The following ISYNA1 variants were observed in gnomAD, a reference collection of about 807,000 sequenced individuals.
ISYNA1 encodes MI-1-P synthase.
ISYNA1 carries 34 observed loss-of-function variants against 50.3 expected under a neutral mutation model. That is an observed-to-expected ratio of 0.68 (90% CI 0.51 to 0.90). The LOEUF (loss-of-function observed/expected upper bound fraction) is 0.90. ISYNA1 is among the 40% of genes least tolerant of loss of function. ISYNA1 has a pLI of 0.00. For missense variants in ISYNA1, 718 were observed against 784.8 expected (o/e 0.91, Z 1.02); for synonymous variants, 396 against 349.9 (o/e 1.13, Z -1.47).
At position 18,434,569 on chromosome 19, in the gene ISYNA1, C is replaced by G; in HGVS notation, c.*344G>C. ...CTGGTTTTGGTTTTTGGTAGCTTGT[C>G]TCAGATTCCCTCTTTGGCCTTCTGC... On this transcript the variant is annotated 3_prime_UTR_variant, in exon 11 of 11. Coordinates refer to ENST00000338128, the MANE Select transcript of ISYNA1 (RefSeq NM_016368.5). The G allele has an allele frequency of 3.8e-6, 2 of 520,672 alleles. No homozygotes were observed. Among genetic ancestry groups the G allele is most frequent in the South Asian group, 5.7e-5 (2 of 35,294 alleles). 32.3% of individuals were successfully genotyped at this position (520,672 alleles called of 1,614,324 possible).
In ISYNA1 at chr19:18,435,304, C is replaced by G; in HGVS notation, c.1434G>C (p.Ala478=). ...LVPPGSPVVN[A]LFRQRSCIEN... ...CGATGCAGCTGCGCTGGCGGAAAAGCGCATTGACCACCGGGCTGCCGGGCG... is the reference window on the plus strand; with the variant it reads ...CGATGCAGCTGCGCTGGCGGAAAAGGGCATTGACCACCGGGCTGCCGGGCG... The change falls in exon 10 of 11, where the codon GCG becomes GCC. Residue 478 remains alanine, a synonymous_variant. Coordinates refer to ENST00000338128, the MANE Select transcript of ISYNA1 (RefSeq NM_016368.5). 1 of 1,607,738 alleles carries G rather than the reference C, an allele frequency of 6.2e-7. No individual in the cohort carries two copies. The highest frequency in any genetic ancestry group is 1.1e-5 in the South Asian group (1 of 91,070).
In ISYNA1 at chr19:18,434,943, C is replaced by A. The variant is rs1278672527; in HGVS notation, c.1647G>T (p.Leu549=). ...NGCTGDANGH[L]QEEPPMPTT is the part of the protein sequence containing the mutation. ...TGGTGGGCATTGGGGGCTCCTCTTGCAGATGCCCATTGGCATCACCGGTGC... is the reference window on the plus strand; with the variant it reads ...TGGTGGGCATTGGGGGCTCCTCTTGAAGATGCCCATTGGCATCACCGGTGC... The change falls in exon 11 of 11, where the codon CTG becomes CTT. Residue 549 remains leucine (L), a synonymous_variant. Coordinates refer to ENST00000338128, the MANE Select transcript of ISYNA1 (RefSeq NM_016368.5). The A allele has an allele frequency of 1.9e-6, 3 of 1,613,308 alleles. No individual in the cohort carries two copies. In the South Asian group the frequency reaches 3.3e-5, roughly 18 times the overall value.
In ISYNA1 at chr19:18,435,446, G is replaced by T; in HGVS notation, c.1292C>A (p.Ala431Glu). 2 of 1,609,598 alleles carry T rather than the reference G, an allele frequency of 1.2e-6. No homozygotes were observed. ...LLAAPIMLDL[A>E]LLTELCQRVS... ...GCGCTGGCACAGCTCGGTCAGCAGCGCTAGGTCCAGCATGATGGGTGCGGC... is the reference window on the plus strand; with the variant it reads ...GCGCTGGCACAGCTCGGTCAGCAGCTCTAGGTCCAGCATGATGGGTGCGGC... The change falls in exon 10 of 11, where the codon GCG becomes GAG. Residue 431 changes from alanine (A) to glutamate (E), a missense_variant. Ala to Glu is a moderately radical substitution (Grantham distance 107, BLOSUM62 -1). Around this residue, in one of 3 missense-constraint regions of ISYNA1, gnomAD observed 305 missense variants for 292.6 expected, o/e 1.04. Coordinates refer to ENST00000338128, the MANE Select transcript of ISYNA1 (RefSeq NM_016368.5).
At chr19:18,437,258 G>A (rs1974097115) in intron 3 of ISYNA1, 153 bp from the exon 4 acceptor site, 4 of 1,432,204 alleles carry the variant, frequency 2.8e-6, no homozygotes, top group African/African-American at 2.9e-5. Flanking sequence ...CTGCCCCCAG[G>A]CCCCTCCCCT....
At position 18,434,985 on chromosome 19, in the gene ISYNA1, G is replaced by T; in HGVS notation, c.1605C>A (p.Pro535=). The change falls in exon 11 of 11, where the codon CCC becomes CCA. Residue 535 remains proline (P), a synonymous_variant. Coordinates refer to ENST00000338128, the MANE Select transcript of ISYNA1 (RefSeq NM_016368.5). ...YPMLNKKGPV[P]AATNGCTGDA... Reference sequence around the variant, plus strand: ...CACCGGTGCAGCCATTGGTGGCAGCGGGTACCGGTCCTTTCTTGTTCAACA... The same window carrying T: ...CACCGGTGCAGCCATTGGTGGCAGCTGGTACCGGTCCTTTCTTGTTCAACA... The T allele has an allele frequency of 6.2e-7, 1 of 1,613,492 alleles. No individual in the cohort carries two copies. The highest frequency in any genetic ancestry group is 8.5e-7 in the Non-Finnish European group (1 of 1,180,002).
Position 18,434,673 on chromosome 19 carries a change from AGGCTCCAGGTTCTG to A in ISYNA1, c.*226_*239del, listed in dbSNP as rs1189470359. On this transcript the variant is annotated 3_prime_UTR_variant, in exon 11 of 11. Coordinates refer to ENST00000338128, the MANE Select transcript of ISYNA1 (RefSeq NM_016368.5). Reference sequence around the variant, plus strand: ...ACCTTTGAGAACTGGGGGCAGAGCGAGGCTCCAGGTTCTGGGCTCTCCCTGGGAGTTGGGGTGAT... The same window carrying A: ...ACCTTTGAGAACTGGGGGCAGAGCGAGGCTCTCCCTGGGAGTTGGGGTGAT... 8 of 581,060 alleles carry A rather than the reference AGGCTCCAGGTTCTG, an allele frequency of 1.4e-5. No individual in the cohort carries two copies. Among genetic ancestry groups the A allele is most frequent in the Admixed American group, 3.0e-5 (1 of 32,970 alleles). The allele number at this position is 581,060 out of a possible 1,614,324, so 36.0% of individuals were successfully genotyped here.
In ISYNA1 at chr19:18,437,660, A is replaced by G; in HGVS notation, c.221T>C (p.Leu74Pro). The part of the protein sequence containing the change: ...VGWGGNNGST[L>P]TAAVLANRLR... ...TCGATTGGCCAGCACCGCGGCGGTG[A>G]GTGTGGAGCCGTTGTTCCCGCCCCA... Residue 74 changes from leucine (L) to proline (P), a missense_variant, in exon 3 of 11, where the codon CTC becomes CCC. Leu to Pro is a moderately conservative substitution (Grantham distance 98). Transcript: ENST00000338128. The G allele has an allele frequency of 6.5e-7, 1 of 1,540,712 alleles. No homozygotes were observed. Among genetic ancestry groups the G allele is most frequent in the Non-Finnish European group, 8.7e-7 (1 of 1,147,032 alleles).
Position 18,436,420 on chromosome 19 carries a change from G to C in ISYNA1, c.669C>G (p.Val223=). The C allele has an allele frequency of 6.2e-7, 1 of 1,611,046 alleles. No homozygotes were observed. Among genetic ancestry groups the C allele is most frequent in the Non-Finnish European group, 8.5e-7 (1 of 1,179,860 alleles). ...CCGTGTTCGCCGTCCACAGCACTATGACTTTGTCCAGCCCCGCGCTAGACC... is the reference window on the plus strand; with the variant it reads ...CCGTGTTCGCCGTCCACAGCACTATCACTTTGTCCAGCCCCGCGCTAGACC... ...DFRSSAGLDK[V]IVLWTANTER... Residue 223 remains valine (V), a synonymous_variant, in exon 6 of 11, where the codon GTC becomes GTG. Coordinates refer to ENST00000338128, the MANE Select transcript of ISYNA1 (RefSeq NM_016368.5).
At position 18,434,609 on chromosome 19, in the gene ISYNA1, C is replaced by T. The variant is rs190818353; in HGVS notation, c.*304G>A. The T allele has an allele frequency of 1.3e-5, 7 of 544,464 alleles. No homozygotes were observed. The highest frequency in any genetic ancestry group is 7.6e-5 in the African/African-American group (4 of 52,918). 33.7% of individuals were successfully genotyped at this position (544,464 alleles called of 1,614,324 possible). On this transcript the variant is annotated 3_prime_UTR_variant, in exon 11 of 11. Coordinates refer to ENST00000338128, the MANE Select transcript of ISYNA1 (RefSeq NM_016368.5). ...TGGCCTTCTGCCACCACACTCTCCA[C>T]CCTGTGGTCTTGTTCCGTCCCCGCC... is the stretch of plus-strand genomic sequence containing the variant.
Position 18,434,809 on chromosome 19 carries a change from T to G in ISYNA1, c.*104A>C. 2.1e-6 allele frequency: 2 copies of G among 971,316 alleles called. No individual in the cohort carries two copies. The highest frequency in any genetic ancestry group is 2.4e-5 in the East Asian group (1 of 41,518). 60.2% of individuals were successfully genotyped at this position (971,316 alleles called of 1,614,324 possible). On this transcript the variant is annotated 3_prime_UTR_variant, in exon 11 of 11. Transcript: ENST00000338128. ...GGTCACAGGCCCCAAGAACCCCAGG[T>G]GGAAGGAGGGCTGAGTGGCAGCGCC... is the stretch of plus-strand genomic sequence containing the variant.
Position 18,436,671 on chromosome 19 carries a change from G to T in ISYNA1, c.609+13C>A. The T allele has an allele frequency of 6.3e-7, 1 of 1,578,458 alleles. No individual in the cohort carries two copies. Among genetic ancestry groups the T allele is most frequent in the Non-Finnish European group, 8.6e-7 (1 of 1,163,080 alleles). The stretch of plus-strand genomic sequence containing the variant: ...AGGTGGCAGGAAGCAAGGGATGCGG[G>T]ATGGGACAGCACCTGCTGCGCACGC... On this transcript the variant is annotated intron_variant, in intron 5 of 10. Coordinates refer to ENST00000338128, the MANE Select transcript of ISYNA1 (RefSeq NM_016368.5).
chr19:18,434,896 A>C lies in ISYNA1; in HGVS notation c.*17T>G. ...GGCAGCGGGGAGGAAGAGCCGAGAA[A>C]CTGTGTGACCGGGGCCTCAGGTGGT... On this transcript the variant is annotated 3_prime_UTR_variant, in exon 11 of 11. Coordinates refer to ENST00000338128, the MANE Select transcript of ISYNA1 (RefSeq NM_016368.5). 6.2e-7 allele frequency: 1 copy of C among 1,608,230 alleles called. No homozygotes were observed. Among genetic ancestry groups the C allele is most frequent in the Non-Finnish European group, 8.5e-7 (1 of 1,176,682 alleles).
chr19:18,434,626 G>A lies in ISYNA1; in HGVS notation c.*287C>T, dbSNP rs1229725645. 1.3e-5 allele frequency: 7 copies of A among 558,352 alleles called. No homozygotes were observed. Among genetic ancestry groups the A allele is most frequent in the Admixed American group, 3.2e-5 (1 of 31,436 alleles). 34.6% of individuals were successfully genotyped at this position (558,352 alleles called of 1,614,324 possible). ...ACTCTCCACCCTGTGGTCTTGTTCCGTCCCCGCCCCCATCTAGCCCCACCT... is the reference window on the plus strand; with the variant it reads ...ACTCTCCACCCTGTGGTCTTGTTCCATCCCCGCCCCCATCTAGCCCCACCT... On this transcript the variant is annotated 3_prime_UTR_variant, in exon 11 of 11. Transcript: ENST00000338128.
intron 3 of ISYNA1, 150 bp from the exon 4 acceptor site, chr19:18,437,255 C>T: frequency 4.2e-6 from 6 of 1,434,608 alleles, no homozygotes; most frequent in Non-Finnish European, 5.5e-6. Flanking sequence ...CCGCTGCCCC[C>T]AGGCCCCTCC....
In ISYNA1 at chr19:18,434,803, C is replaced by A; in HGVS notation, c.*110G>T. ...GAGTCAGGTCACAGGCCCCAAGAAC[C>A]CCAGGTGGAAGGAGGGCTGAGTGGC... On this transcript the variant is annotated 3_prime_UTR_variant, in exon 11 of 11. Transcript: ENST00000338128. 1.1e-6 allele frequency: 1 copy of A among 931,506 alleles called. No individual in the cohort carries two copies. The allele number at this position is 931,506 out of a possible 1,614,324, so 57.7% of individuals were successfully genotyped here. A position where few individuals can be genotyped will look rare whatever the true frequency, so the allele number is the denominator to read the frequency against.
rs933154650 is a variant in ISYNA1, at chr19:18,434,586, G to A, written c.*327C>T. ...TAGCTTGTCTCAGATTCCCTCTTTGGCCTTCTGCCACCACACTCTCCACCC... is the reference window on the plus strand; with the variant it reads ...TAGCTTGTCTCAGATTCCCTCTTTGACCTTCTGCCACCACACTCTCCACCC... On this transcript the variant is annotated 3_prime_UTR_variant, in exon 11 of 11. Transcript: ENST00000338128. The A allele has an allele frequency of 5.8e-6, 3 of 521,352 alleles. No homozygotes were observed. The highest frequency in any genetic ancestry group is 6.8e-6 in the Non-Finnish European group (2 of 295,966). The allele number at this position is 521,352 out of a possible 1,614,324, so 32.3% of individuals were successfully genotyped here.
At position 18,434,394 on chromosome 19, in the gene ISYNA1, T is replaced by G. The variant is rs1173996919; in HGVS notation, c.*519A>C. 2 of 1,371,770 alleles carry G rather than the reference T, an allele frequency of 1.5e-6. No individual in the cohort carries two copies. Among genetic ancestry groups the G allele is most frequent in the African/African-American group, 1.5e-5 (1 of 67,286 alleles). 85.0% of individuals were successfully genotyped at this position (1,371,770 alleles called of 1,614,324 possible). ...TGGGAGGCCCCACACGAAAGACTCT[T>G]ACCATTTTATTAAAAACGCAAGGAC... is the stretch of plus-strand genomic sequence containing the variant. On this transcript the variant is annotated 3_prime_UTR_variant, in exon 11 of 11. Coordinates refer to ENST00000338128, the MANE Select transcript of ISYNA1 (RefSeq NM_016368.5).
Position 18,434,497 on chromosome 19 carries a change from C to T in ISYNA1, c.*416G>A. The T allele has an allele frequency of 2.7e-6, 2 of 746,684 alleles. No individual in the cohort carries two copies. The highest frequency in any genetic ancestry group is 4.0e-6 in the Non-Finnish European group (2 of 506,078). 46.3% of individuals were successfully genotyped at this position (746,684 alleles called of 1,614,324 possible). On this transcript the variant is annotated 3_prime_UTR_variant, in exon 11 of 11. Coordinates refer to ENST00000338128, the MANE Select transcript of ISYNA1 (RefSeq NM_016368.5). Reference sequence around the variant, plus strand: ...CAGAGAGAAAGGCTCTTTGGGGGGCCCCTCTCCCCAGGACGTCAGGGGGTG... The same window carrying T: ...CAGAGAGAAAGGCTCTTTGGGGGGCTCCTCTCCCCAGGACGTCAGGGGGTG...
intron 1 of ISYNA1, 46 bp downstream of exon 1, chr19:18,438,047 A>G (rs1274841859): frequency 6.8e-7 from 1 of 1,472,420 alleles, no homozygotes; most frequent in Non-Finnish European, 9.0e-7. Context: ...GGGCCAAGCC[A>G]GCCTGGGTCC....
Sources: allele counts gnomAD v4.1 joint callset, GRCh38; gene constraint gnomAD v4.1.1; regional missense constraint gnomAD v4.1.1; transcripts MANE v1.5; gene names NCBI Gene and HGNC (gene_info 2026-07-23, HGNC 2026-07-21).